Variants in WWOX observed in about 807,000 individuals in gnomAD.
WWOX encodes WW domain containing oxidoreductase, also known as WW domain-containing oxidoreductase.
A neutral mutation model predicts 46.2 loss-of-function variants in WWOX; 69 were observed. The observed-to-expected ratio is 1.49, with a 90% CI of 1.23 to 1.82. The LOEUF is 1.82. Among genes scored for constraint, WWOX ranks in the 40% most tolerant of loss-of-function variants. WWOX has a pLI of 0.00. For synonymous variants in WWOX, 359 were observed against 202.6 expected (o/e 1.77, Z -6.56); for missense variants, 919 against 542.6 (o/e 1.69, Z -6.89).
intron 8 of WWOX, among the ~76,000 whole-genome samples, chr16:78,632,408 T>G (rs2046454508): frequency 6.6e-6 from 1 of 152,068 alleles, no homozygotes; most frequent in Non-Finnish European, 1.5e-5. Context: ...GTCCTTTCTT[T>G]TGGGCTTTCC....
intron 8 of WWOX, among the ~76,000 whole-genome samples, chr16:78,800,039 A>T (rs1413928196): frequency 6.6e-6 from 1 of 152,090 alleles, no homozygotes; most frequent in Non-Finnish European, 1.5e-5. Flanking sequence ...AAGGGAAGGA[A>T]CACTTGGGTT....
chr16:78,869,379 C>T (rs566669243), intron 8 of WWOX, among the ~76,000 whole-genome samples: 103 of 152,312 alleles, frequency 6.8e-4, no homozygotes, highest in African/African-American at 2.3e-3. Context: ...GTTTTTCCTA[C>T]TCAAAATGGT....
chr16:78,770,657 C>T (rs749838013), intron 8 of WWOX, among the ~76,000 whole-genome samples: 1 of 150,646 alleles, frequency 6.6e-6, no homozygotes, highest in Non-Finnish European at 1.5e-5. Flanking sequence ...AAACTCCCGC[C>T]CCCTCCCCCC....
intron 8 of WWOX, among the ~76,000 whole-genome samples, chr16:78,737,075 C>G (rs1597518252): frequency 6.6e-6 from 1 of 151,776 alleles, no homozygotes; most frequent in East Asian, 1.9e-4. Flanking sequence ...TCGTTCCTTG[C>G]TCATCTGTCT....
At chr16:78,637,349 C>T (rs2046596987) in intron 8 of WWOX, among the ~76,000 whole-genome samples, 1 of 151,502 alleles carries the variant, frequency 6.6e-6, no homozygotes, top group Non-Finnish European at 1.5e-5. Context: ...GCTGATGCAG[C>T]AGAGTCTGTT....
At chr16:78,407,819 C>A (rs575871819) in intron 6 of WWOX, among the ~76,000 whole-genome samples, 1 of 152,318 alleles carries the variant, frequency 6.6e-6, no homozygotes, top group South Asian at 2.1e-4. Context: ...AAAAGTTTTA[C>A]TTCTTACCAC....
At chr16:79,025,031 G>T (rs1374879268) in intron 8 of WWOX, among the ~76,000 whole-genome samples, 2 of 152,188 alleles carry the variant, frequency 1.3e-5, no homozygotes, top group African/African-American at 4.8e-5. Flanking sequence ...GCCCAGTTGG[G>T]GAGGACCTTG....
At chr16:78,437,568 C>T (rs2083361175) in intron 8 of WWOX, among the ~76,000 whole-genome samples, 2 of 150,934 alleles carry the variant, frequency 1.3e-5, no homozygotes, top group African/African-American at 4.9e-5. Context: ...CATGTCTCTG[C>T]CTCCCTCTTC....
chr16:78,615,612 C>T (rs2046003744), intron 8 of WWOX, among the ~76,000 whole-genome samples: 1 of 151,932 alleles, frequency 6.6e-6, no homozygotes, highest in African/African-American at 2.4e-5. Context: ...GCTATGTTCG[C>T]ACCACTGTAT....
chr16:78,623,092 C>G (rs1010555946), intron 8 of WWOX, among the ~76,000 whole-genome samples: 1 of 151,934 alleles, frequency 6.6e-6, no homozygotes, highest in Non-Finnish European at 1.5e-5. Flanking sequence ...AGTCAAGCCT[C>G]TGATGAGACC....
chr16:78,113,260 C>T (rs1288521058), intron 3 of WWOX, among the ~76,000 whole-genome samples: 2 of 152,142 alleles, frequency 1.3e-5, no homozygotes, highest in African/African-American at 2.4e-5. Flanking sequence ...TAATAGTCAT[C>T]CAGGGGATCC....
In WWOX at chr16:78,349,338, G is replaced by C. The variant is rs2081147412; in HGVS notation, c.517-37522G>C. 1.7e-5 allele frequency among the ~76,000 whole-genome samples: 2 copies of C among 120,888 alleles called. 1 individual carries two copies. Among genetic ancestry groups the C allele is most frequent in the African/African-American group, 5.6e-5 (2 of 35,596 alleles). The allele number at this position is 120,888 out of a possible 152,430, so 79.3% of individuals were successfully genotyped here. A position where few individuals can be genotyped will look rare whatever the true frequency, so the allele number is the denominator to read the frequency against. The stretch of plus-strand genomic sequence containing the variant: ...CCAAATACAGTCACATTCTGAGGTA[G>C]TACGGGTTAGGTCTTCAGCATATGA... On this transcript the variant is annotated intron_variant, in intron 5 of 8. Coordinates refer to ENST00000566780, the MANE Select transcript of WWOX (RefSeq NM_016373.4).
intron 8 of WWOX, among the ~76,000 whole-genome samples, chr16:78,819,206 C>T (rs573179731): frequency 2.0e-4 from 31 of 152,286 alleles, no homozygotes; most frequent in African/African-American, 6.5e-4. Context: ...GTGAAATGAG[C>T]CCCGGCTCAG....
intron 8 of WWOX, among the ~76,000 whole-genome samples, chr16:79,007,036 C>G (rs1161106978): frequency 1.3e-5 from 2 of 152,080 alleles, no homozygotes; most frequent in East Asian, 1.9e-4. Context: ...ATGGGGGTAT[C>G]TCTAGGGGAC....
chr16:78,227,459 A>G (rs543941300), intron 5 of WWOX, among the ~76,000 whole-genome samples: 7 of 152,272 alleles, frequency 4.6e-5, no homozygotes, highest in East Asian at 1.9e-4. Context: ...CTTCCAATCA[A>G]TGCTGCTCTT....
intron 8 of WWOX, among the ~76,000 whole-genome samples, chr16:78,844,845 G>C (rs1158781889): frequency 6.6e-6 from 1 of 152,202 alleles, no homozygotes; most frequent in African/African-American, 2.4e-5. Context: ...AGCTGACCCA[G>C]TGACCTTGCT....
intron 5 of WWOX, among the ~76,000 whole-genome samples, chr16:78,266,788 T>TTCTCTGTCTCTCTCTCTCTC (rs2079370882): frequency 8.7e-6 from 1 of 115,532 alleles, no homozygotes; most frequent in Admixed American, 1.0e-4. Context: ...TATTCTTCTA[T>TTCTCTGTCTCTCTCTCTCTC]TCTCTCTCTC....
chr16:78,620,895 G>T (rs1413246432), intron 8 of WWOX, among the ~76,000 whole-genome samples: 2 of 152,002 alleles, frequency 1.3e-5, no homozygotes, highest in African/African-American at 4.8e-5. Flanking sequence ...CGTATATTTG[G>T]TTGGAATTTT....
chr16:78,754,656 A>T (rs1404974232), intron 8 of WWOX, among the ~76,000 whole-genome samples: 1 of 152,246 alleles, frequency 6.6e-6, no homozygotes, highest in Non-Finnish European at 1.5e-5. Flanking sequence ...TTTAATTAGC[A>T]AGTACAGCCT....
Sources: allele counts gnomAD v4.1 joint callset (sites outside exome capture counted in the v4.1 genomes callset), GRCh38; gene constraint gnomAD v4.1.1; transcripts MANE v1.5; gene names NCBI Gene and HGNC (gene_info 2026-07-23, HGNC 2026-07-21).